The following PABPC1L variants were observed in gnomAD, a reference collection of about 807,000 sequenced individuals.
The protein encoded by PABPC1L is polyadenylate-binding protein 1-like.
Under a neutral mutation model 66.6 loss-of-function variants are expected in PABPC1L, and 31 were observed. That is an observed-to-expected ratio of 0.47 (90% confidence interval 0.35 to 0.63). PABPC1L has a LOEUF of 0.63. Ranked by LOEUF, PABPC1L falls within the 20% of genes least tolerant of loss-of-function variation. The pLI is 0.00. For synonymous variants in PABPC1L, 348 were observed against 335.1 expected (o/e 1.04, Z -0.42); for missense variants, 722 against 848.8 (o/e 0.85, Z 1.86).
chr20:44,918,779 C>T, intron 3 of PABPC1L, 127 bp from the exon 4 acceptor site: 1 of 1,158,362 alleles, frequency 8.6e-7, no homozygotes, highest in Non-Finnish European at 1.2e-6. Flanking sequence ...GGAGTATTGT[C>T]CTGCCCAGTT....
At chr20:44,917,989 C>G (rs554648198) in intron 3 of PABPC1L, among the ~76,000 whole-genome samples, 18 of 152,226 alleles carry the variant, frequency 1.2e-4, no homozygotes, top group African/African-American at 4.3e-4. Flanking sequence ...ATCTGGGATG[C>G]TTTCCTAGAT....
chr20:44,922,550 T>G (rs1324195392), intron 6 of PABPC1L, among the ~76,000 whole-genome samples: 1 of 152,168 alleles, frequency 6.6e-6, no homozygotes, highest in African/African-American at 2.4e-5. Context: ...TTTTGTATTT[T>G]TAATAGAGAT....
chr20:44,930,366 G>T, intron 7 of PABPC1L, 94 bp from the exon 8 acceptor site: 1 of 1,495,706 alleles, frequency 6.7e-7, no homozygotes, highest in South Asian at 1.3e-5. Flanking sequence ...GGCCTGCCCA[G>T]TGCTGGGCTT....
intron 6 of PABPC1L, among the ~76,000 whole-genome samples, chr20:44,922,229 C>T (rs1044532338): frequency 6.6e-6 from 1 of 152,070 alleles, no homozygotes; most frequent in East Asian, 1.9e-4. Flanking sequence ...GGAAGTGAAC[C>T]CCTCTAAGAT....
chr20:44,910,419 G>T, intron 1 of PABPC1L, 83 bp downstream of exon 1: 1 of 1,379,950 alleles, frequency 7.2e-7, no homozygotes, highest in South Asian at 1.5e-5. Context: ...GGCCGCTTGC[G>T]CTTTCATCTT....
chr20:44,922,738 C>A (rs1165140587), intron 6 of PABPC1L, among the ~76,000 whole-genome samples: 1 of 152,210 alleles, frequency 6.6e-6, no homozygotes, highest in Non-Finnish European at 1.5e-5. Flanking sequence ...TACATATCCA[C>A]ACAAAACACG....
chr20:44,910,295 C>T lies in PABPC1L; in HGVS notation c.152C>T (p.Ser51Leu). 6.5e-7 allele frequency: 1 copy of T among 1,544,814 alleles called. No homozygotes were observed. Among genetic ancestry groups the T allele is most frequent in the Non-Finnish European group, 8.7e-7 (1 of 1,143,226 alleles). The change falls in exon 1 of 15, where the codon TCG becomes TTG. Residue 51 changes from serine (S) to leucine (L), a missense_variant. Transcript: ENST00000217073. ...TGCCGCGATGTAGCCACCCGGCGCT[C>T]GCTGGGCTACGCCTACATCAACTTC... is the stretch of plus-strand genomic sequence containing the variant. ...RVCRDVATRR[S>L]LGYAYINFQQ...
At chr20:44,932,788 A>C (rs1474300850) in intron 9 of PABPC1L, 2 of 512,186 alleles carry the variant, frequency 3.9e-6, no homozygotes, top group African/African-American at 3.8e-5. Flanking sequence ...ACTTGAAACT[A>C]TCTTGAGGGA....
At chr20:44,924,372 G>A (rs1004223423) in intron 7 of PABPC1L, 116 bp downstream of exon 7, 13 of 761,594 alleles carry the variant, frequency 1.7e-5, no homozygotes, top group East Asian at 8.0e-5. Flanking sequence ...GGTTGGTGCC[G>A]GCTACCCCTT....
At chr20:44,924,014 A>G in intron 6 of PABPC1L, 147 bp from the exon 7 acceptor site, 2 of 673,680 alleles carry the variant, frequency 3.0e-6, no homozygotes, top group Non-Finnish European at 5.4e-6. Context: ...GGATGGGGGT[A>G]CCTGGGTGCT....
chr20:44,910,585 G>A (rs1404030289), intron 1 of PABPC1L, among the ~76,000 whole-genome samples: 14 of 152,050 alleles, frequency 9.2e-5, no homozygotes, highest in Non-Finnish European at 1.9e-4. Flanking sequence ...AGGCTTTGTG[G>A]GGGTGGGGGT....
intron 2 of PABPC1L, among the ~76,000 whole-genome samples, chr20:44,914,653 G>A (rs1257617681): frequency 6.6e-6 from 1 of 152,136 alleles, no homozygotes; most frequent in Non-Finnish European, 1.5e-5. Context: ...ATGCACTAAG[G>A]GTTATCTGTG....
chr20:44,916,334 G>A (rs2066737515), intron 2 of PABPC1L, among the ~76,000 whole-genome samples: 2 of 152,252 alleles, frequency 1.3e-5, no homozygotes, highest in South Asian at 2.1e-4. Context: ...GTTCAGTGGT[G>A]CAATATCAGC....
chr20:44,934,081 G>A (rs1051546750), intron 10 of PABPC1L, among the ~76,000 whole-genome samples: 1 of 152,166 alleles, frequency 6.6e-6, no homozygotes, highest in South Asian at 2.1e-4. Flanking sequence ...GATCATGCAT[G>A]AAAGGGCTTA....
chr20:44,928,874 A>G (rs1389773581), intron 7 of PABPC1L, among the ~76,000 whole-genome samples: 2 of 148,964 alleles, frequency 1.3e-5, no homozygotes, highest in African/African-American at 5.0e-5. Flanking sequence ...CAAAAAAAAA[A>G]AAAAAAAAAA....
At chr20:44,934,820 A>G (rs563410049) in intron 10 of PABPC1L, among the ~76,000 whole-genome samples, 1 of 152,368 alleles carries the variant, frequency 6.6e-6, no homozygotes, top group East Asian at 1.9e-4. Flanking sequence ...CTGTAATCCC[A>G]GCACTTTGGG....
At chr20:44,913,893 T>G (rs1367054351) in intron 2 of PABPC1L, among the ~76,000 whole-genome samples, 1 of 152,240 alleles carries the variant, frequency 6.6e-6, no homozygotes, top group Non-Finnish European at 1.5e-5. Flanking sequence ...TCAGTGATCT[T>G]GTTCTTAGTC....
chr20:44,932,503 A>G (rs1433209273), intron 9 of PABPC1L, 71 bp downstream of exon 9: 7 of 1,395,716 alleles, frequency 5.0e-6, no homozygotes, highest in Non-Finnish European at 6.9e-6. Flanking sequence ...GTCATAACAC[A>G]GGGATGAAAC....
At chr20:44,923,801 G>C (rs146269304) in intron 6 of PABPC1L, among the ~76,000 whole-genome samples, 3 of 152,264 alleles carry the variant, frequency 2.0e-5, no homozygotes, top group Non-Finnish European at 2.9e-5. Flanking sequence ...TCTGACTCCT[G>C]CTGCCCGACA....
Sources: allele counts gnomAD v4.1 joint callset (sites outside exome capture counted in the v4.1 genomes callset), GRCh38; gene constraint gnomAD v4.1.1; transcripts MANE v1.5; gene names NCBI Gene and HGNC (gene_info 2026-07-23, HGNC 2026-07-21).